OR3A2: variants seen among roughly 807,000 people sequenced by gnomAD.
The protein encoded by OR3A2 is olfactory receptor 3A2.
For synonymous variants in OR3A2, 126 were observed against 159.3 expected, an observed-to-expected ratio of 0.79 and a Z score of 1.57; for missense variants, 318 against 392.8, an observed-to-expected ratio of 0.81 and a Z score of 1.61.
intron 2 of OR3A2, among the ~76,000 whole-genome samples, chr17:3,348,734 T>G (rs1247885539): frequency 6.6e-6 from 1 of 151,968 alleles, no homozygotes; most frequent in African/African-American, 2.4e-5. Flanking sequence ...ATTGTCAGAT[T>G]CACCAAAGTT....
intron 1 of OR3A2, among the ~76,000 whole-genome samples, chr17:3,281,459 C>T (rs113732259): frequency 1.1e-3 from 163 of 152,192 alleles, no homozygotes; most frequent in African/African-American, 3.6e-3. Flanking sequence ...TGGTGTCGAT[C>T]TCTTGACCTT....
intron 3 of OR3A2, among the ~76,000 whole-genome samples, chr17:3,328,462 C>A (rs12602448): frequency 1.8e-5 from 2 of 111,286 alleles, no homozygotes; most frequent in African/African-American, 8.1e-5. Context: ...TTTGGGCTGA[C>A]ACAATGGGGT....
intron 3 of OR3A2, among the ~76,000 whole-genome samples, chr17:3,300,963 T>C (rs577129696): frequency 1.3e-5 from 2 of 152,190 alleles, no homozygotes; most frequent in Admixed American, 6.5e-5. Flanking sequence ...GTCCTTGTGA[T>C]AGTTTGCTGA....
chr17:3,378,731 T>C (rs980512008), intron 2 of OR3A2, among the ~76,000 whole-genome samples: 2 of 152,270 alleles, frequency 1.3e-5, no homozygotes, highest in East Asian at 3.9e-4. Context: ...ACTTCCCACA[T>C]GCCCAAATCC....
chr17:3,375,488 G>C (rs935726996), intron 2 of OR3A2, among the ~76,000 whole-genome samples: 1 of 151,576 alleles, frequency 6.6e-6, no homozygotes, highest in Admixed American at 6.6e-5. Context: ...TTTTAGTAGA[G>C]ATGGGGTTTC....
At chr17:3,285,214 C>T (rs979648399), upstream of OR3A2, among the ~76,000 whole-genome samples, 3 of 152,104 alleles carry the variant, frequency 2.0e-5, no homozygotes, top group African/African-American at 7.2e-5. Context: ...GTGTGTTCCT[C>T]TGACTCCTCT....
chr17:3,344,944 C>T (rs1567562251), intron 2 of OR3A2, among the ~76,000 whole-genome samples: 1 of 152,182 alleles, frequency 6.6e-6, no homozygotes, highest in Admixed American at 6.5e-5. Flanking sequence ...AACAAAGTCT[C>T]TAGGACTCAC....
chr17:3,279,094 G>A, intron 1 of OR3A2: 1 of 1,103,828 alleles, frequency 9.1e-7, no homozygotes, highest in East Asian at 2.6e-5. Flanking sequence ...TGGTTGACAT[G>A]CCCAATGACA....
At chr17:3,312,257 A>G in intron 3 of OR3A2, among the ~76,000 whole-genome samples, 1 of 152,198 alleles carries the variant, frequency 6.6e-6, no homozygotes, top group East Asian at 1.9e-4. Context: ...TAAAATGTTA[A>G]TAAAAATGAA....
chr17:3,310,600 A>G (rs772926419), intron 3 of OR3A2: 1 of 539,076 alleles, frequency 1.9e-6, no homozygotes, highest in Non-Finnish European at 3.8e-6. Flanking sequence ...AGCATTCCCT[A>G]TAAGGCCTGC....
upstream of OR3A2, among the ~76,000 whole-genome samples, chr17:3,286,675 A>G (rs2048816327): frequency 2.0e-5 from 3 of 152,114 alleles, no homozygotes; most frequent in South Asian, 4.1e-4. Context: ...TCTAATGACC[A>G]GTGATGACGA....
At chr17:3,281,920 G>A (rs1334693465) in intron 1 of OR3A2, among the ~76,000 whole-genome samples, 2 of 152,130 alleles carry the variant, frequency 1.3e-5, no homozygotes. Flanking sequence ...TGGTACCTGG[G>A]TATGGGTGTT....
At chr17:3,325,279 A>G (rs2049162359) in intron 3 of OR3A2, among the ~76,000 whole-genome samples, 1 of 142,630 alleles carries the variant, frequency 7.0e-6, no homozygotes, top group Non-Finnish European at 1.5e-5. Context: ...GTGCAATCTC[A>G]ACTCACTGCA....
At chr17:3,284,570 G>C (rs570746971), upstream of OR3A2, 71 of 149,608 alleles carry the variant, frequency 4.7e-4, no homozygotes, top group African/African-American at 1.6e-3. Context: ...GAGAAGGATG[G>C]GGGGAGAGAC....
chr17:3,360,955 A>G (rs2049509139), intron 2 of OR3A2, among the ~76,000 whole-genome samples: 1 of 151,596 alleles, frequency 6.6e-6, no homozygotes, highest in Non-Finnish European at 1.5e-5. Flanking sequence ...TTCTGTGAAG[A>G]AAGTCATTGG....
At chr17:3,376,293 C>A (rs1307675206) in intron 2 of OR3A2, among the ~76,000 whole-genome samples, 1 of 152,152 alleles carries the variant, frequency 6.6e-6, no homozygotes, top group Non-Finnish European at 1.5e-5. Context: ...ATAAGCTTGC[C>A]CTACATTGGC....
chr17:3,367,843 G>A (rs2049577650), intron 2 of OR3A2, among the ~76,000 whole-genome samples: 2 of 151,890 alleles, frequency 1.3e-5, no homozygotes. Flanking sequence ...CATAGTGGTT[G>A]TACCAGTTTA....
rs9901356 is a variant in OR3A2 at position 3,278,368 on chromosome 17, G to T, written c.550C>A (p.Leu184Ile). 3.1e-6 allele frequency: 5 copies of T among 1,613,960 alleles called. No homozygotes were observed. In the South Asian group the frequency reaches 5.5e-5, roughly 18 times the overall value. ...CAGGAGAGCTGGAAGAGCTGTGGGAGGTCACAGTAGAAGTGATTGACCTCA... is the reference window on the plus strand; with the variant it reads ...CAGGAGAGCTGGAAGAGCTGTGGGATGTCACAGTAGAAGTGATTGACCTCA... Residue 184 changes from leucine (L) to isoleucine (I), a missense_variant, in exon 2 of 2, where the codon CTC (leucine) becomes ATC (isoleucine). Coordinates refer to ENST00000642052, the Ensembl canonical transcript of OR3A2.
chr17:3,379,799 G>A (rs923408565), intron 2 of OR3A2, among the ~76,000 whole-genome samples: 2 of 152,150 alleles, frequency 1.3e-5, no homozygotes, highest in Non-Finnish European at 2.9e-5. Context: ...GCATAGAAGG[G>A]GCAGGGGAGT....
Sources: allele counts gnomAD v4.1 joint callset (sites outside exome capture counted in the v4.1 genomes callset), GRCh38; gene constraint gnomAD v4.1.1; transcripts MANE v1.5; gene names NCBI Gene and HGNC (gene_info 2026-07-23, HGNC 2026-07-21).